SGPP2: variants seen among roughly 807,000 people sequenced by gnomAD.
SGPP2 encodes the protein sphingosine 1-phosphate phosphohydrolase 2.
A neutral mutation model predicts 33.9 loss-of-function variants in SGPP2; 30 were observed. That is an observed-to-expected ratio of 0.89 (90% CI 0.66 to 1.20). The LOEUF (loss-of-function observed/expected upper bound fraction) is 1.20, where lower values mean the gene tolerates loss of function less well. SGPP2 is among the 50% of genes most tolerant of loss of function. The probability of loss-of-function intolerance (pLI) is 0.00; values close to 1 mark genes in which losing one functional copy is unlikely to be tolerated. For synonymous variants in SGPP2, 233 were observed against 225.0 expected (o/e 1.04, Z -0.32); for missense variants, 458 against 532.1 (o/e 0.86, Z 1.37).
rs184855159 is a variant in SGPP2, at chr2:222,529,211, G to T, written c.648+4178G>T. Among the ~76,000 whole-genome samples, 64 of 152,252 alleles carry T rather than the reference G, an allele frequency of 4.2e-4. 1 individual carries two copies. The highest frequency in any genetic ancestry group is 1.5e-3 in the African/African-American group (63 of 41,566). ...ACCTGGAGTAGATTCCATCTGAAAA[G>T]ATTACTTTCTTTGTTTATCCATAAA... On this transcript the variant is annotated intron_variant, in intron 4 of 4. Transcript: ENST00000321276.
chr2:222,495,930 C>T (rs1698273263), intron 2 of SGPP2, among the ~76,000 whole-genome samples: 1 of 152,138 alleles, frequency 6.6e-6, no homozygotes, highest in South Asian at 2.1e-4. Context: ...AGTATCCTGA[C>T]CCACCTTCAC....
At chr2:222,483,496 C>T (rs28691857) in intron 2 of SGPP2, among the ~76,000 whole-genome samples, 11,109 of 152,218 alleles carry the variant, frequency 0.073, 448 homozygotes, top group Middle Eastern at 0.085. Flanking sequence ...CTGATACTTA[C>T]AGTAAAAACT....
intron 2 of SGPP2, among the ~76,000 whole-genome samples, chr2:222,509,227 A>T (rs528499472): frequency 1.3e-5 from 2 of 152,252 alleles, no homozygotes; most frequent in East Asian, 3.9e-4. Context: ...TTCCATGATG[A>T]CCCAACATAA....
chr2:222,512,441 G>A (rs1162902907), intron 2 of SGPP2, among the ~76,000 whole-genome samples: 2 of 152,064 alleles, frequency 1.3e-5, no homozygotes, highest in Non-Finnish European at 2.9e-5. Context: ...CCCCGCCACA[G>A]TGATACATTT....
At chr2:222,436,212 G>A (rs926490366) in intron 1 of SGPP2, among the ~76,000 whole-genome samples, 6 of 152,128 alleles carry the variant, frequency 3.9e-5, no homozygotes, top group Non-Finnish European at 5.9e-5. Context: ...TGGAATCATC[G>A]TTGTGCCTCC....
chr2:222,432,979 C>T (rs1697179057), intron 1 of SGPP2, among the ~76,000 whole-genome samples: 3 of 151,608 alleles, frequency 2.0e-5, no homozygotes, highest in African/African-American at 4.9e-5. Context: ...CAAAATCATG[C>T]CTTTGCACTC....
chr2:222,548,322 A>G (rs1689237056), intron 4 of SGPP2, among the ~76,000 whole-genome samples: 5 of 152,260 alleles, frequency 3.3e-5, no homozygotes, highest in Admixed American at 3.3e-4. Context: ...TTCTGTTAAA[A>G]ATGTCAATTT....
Position 222,460,010 on chromosome 2 carries a change from G to A in SGPP2, c.220-14558G>A, listed in dbSNP as rs980141250. ...ATTTTTGACAAGCTCTGTTTCCTTG[G>A]GCATAGGAACCACAGTCCCTGTTTT... On this transcript the variant is annotated intron_variant, in intron 1 of 4. Transcript: ENST00000321276. This position sits in a 1 kb window ranked among gnomAD's most constrained non-coding sequence, Gnocchi z 4.3. Among the ~76,000 whole-genome samples the A allele has an allele frequency of 1.3e-5, 2 of 152,156 alleles. No homozygotes were observed. The highest frequency in any genetic ancestry group is 4.8e-5 in the African/African-American group (2 of 41,420).
At chr2:222,536,155 T>C (rs76915629) in intron 4 of SGPP2, among the ~76,000 whole-genome samples, 4,625 of 152,286 alleles carry the variant, frequency 0.03, 186 homozygotes, top group African/African-American at 0.091. Context: ...TTTTGGATTA[T>C]ATAGTGTGTT....
At position 222,562,590 on chromosome 2, in the gene SGPP2, T is replaced by G. The variant is rs1689569088; in HGVS notation, c.*3692T>G. Reference sequence around the variant, plus strand: ...ATTCTTTTTAAAAATCACTTTTATTTGATTTTGACTTATTAAATGCTTTAA... The same window carrying G: ...ATTCTTTTTAAAAATCACTTTTATTGGATTTTGACTTATTAAATGCTTTAA... On this transcript the variant is annotated 3_prime_UTR_variant, in exon 5 of 5. Coordinates refer to ENST00000321276, the MANE Select transcript of SGPP2 (RefSeq NM_152386.4). 6.6e-6 allele frequency among the ~76,000 whole-genome samples: 1 copy of G among 152,384 alleles called. No individual in the cohort carries two copies. Among genetic ancestry groups the G allele is most frequent in the South Asian group, 2.1e-4 (1 of 4,832 alleles).
At chr2:222,444,244 A>T (rs965623666) in intron 1 of SGPP2, among the ~76,000 whole-genome samples, 3 of 152,200 alleles carry the variant, frequency 2.0e-5, no homozygotes, top group Admixed American at 1.3e-4. Flanking sequence ...TGAGCTAATC[A>T]TGTGCTTTAA....
intron 4 of SGPP2, among the ~76,000 whole-genome samples, chr2:222,535,443 C>T (rs1311886535): frequency 6.6e-6 from 1 of 151,794 alleles, no homozygotes; most frequent in African/African-American, 2.4e-5. Context: ...AGGATGAATC[C>T]GCTGCTGGAA....
Position 222,429,127 on chromosome 2 carries a change from A to G in SGPP2, c.219+4306A>G, listed in dbSNP as rs376806434. Among the ~76,000 whole-genome samples the G allele has an allele frequency of 1.2e-4, 18 of 152,268 alleles. No homozygotes were observed. The East Asian group carries it at 1.7e-3, about 15-fold the overall frequency. ...GGATTACCGCACCCGGCCAAGAACC[A>G]TGGTTTTCTAACCATGGCTGTACAG... is the stretch of plus-strand genomic sequence containing the variant. On this transcript the variant is annotated intron_variant, in intron 1 of 4. Transcript: ENST00000321276.
intron 4 of SGPP2, among the ~76,000 whole-genome samples, chr2:222,546,857 G>A (rs572010184): frequency 6.9e-6 from 1 of 144,850 alleles, no homozygotes; most frequent in East Asian, 2.0e-4. Context: ...CATGCCAGAA[G>A]CTCTGATGTG....
chr2:222,487,687 G>T (rs1425800976), intron 2 of SGPP2, among the ~76,000 whole-genome samples: 2 of 152,180 alleles, frequency 1.3e-5, no homozygotes, highest in African/African-American at 4.8e-5. Context: ...TCACAGGAGA[G>T]ACAGTCCGGT....
At chr2:222,473,146 C>T (rs940314667) in intron 1 of SGPP2, among the ~76,000 whole-genome samples, 1 of 152,244 alleles carries the variant, frequency 6.6e-6, no homozygotes, top group African/African-American at 2.4e-5. Context: ...AAGATAGAGT[C>T]AGCCAGGCTA....
intron 2 of SGPP2, among the ~76,000 whole-genome samples, chr2:222,512,063 G>A (rs770878927): frequency 2.6e-5 from 4 of 151,748 alleles, no homozygotes; most frequent in Admixed American, 6.6e-5. Flanking sequence ...CGCCCAGGCT[G>A]GAGTGCAGTG....
intron 2 of SGPP2, among the ~76,000 whole-genome samples, chr2:222,497,322 G>A (rs557623376): frequency 2.2e-4 from 32 of 144,214 alleles, no homozygotes; most frequent in Non-Finnish European, 3.1e-4. Context: ...GTGCAATCTC[G>A]GCTCACTGCA....
chr2:222,557,208 G>C (rs938942449), intron 4 of SGPP2, among the ~76,000 whole-genome samples: 38 of 152,178 alleles, frequency 2.5e-4, no homozygotes, highest in African/African-American at 8.9e-4. Flanking sequence ...AATGGTAACT[G>C]CCTGTCTCTT....
Sources: gnomAD v4.1 joint callset for allele counts (sites outside exome capture counted in the v4.1 genomes callset) on GRCh38, gnomAD v4.1.1 for gene constraint, Gnocchi (gnomAD v3.1) non-coding constraint, MANE v1.5 for transcripts, NCBI Gene and HGNC (gene_info 2026-07-23, HGNC 2026-07-21) for gene names.